Variants in LRP1B observed in about 807,000 individuals in gnomAD.
LRP1B encodes the protein low-density lipoprotein receptor-related protein 1B.
Under a neutral mutation model 556.6 loss-of-function variants are expected in LRP1B, and 217 were observed. The ratio of observed to expected loss-of-function variants is 0.39; its 90% CI spans 0.35 to 0.44. The LOEUF is 0.44. Ranked by LOEUF, LRP1B falls within the 20% of genes least tolerant of loss-of-function variation. The pLI is 1.00. For missense variants in LRP1B, 5,053 were observed against 5,620.8 expected, an observed-to-expected ratio of 0.90 and a Z score of 3.23; for synonymous variants, 2,047 against 1,865.8, an observed-to-expected ratio of 1.10 and a Z score of -2.50.
intron 2 of LRP1B, among the ~76,000 whole-genome samples, chr2:141,564,974 T>C (rs190662693): frequency 2.0e-5 from 3 of 152,208 alleles, no homozygotes; most frequent in Admixed American, 2.0e-4. Flanking sequence ...TAAGACATTT[T>C]AAATGAAGAA....
chr2:140,450,731 T>A, intron 62 of LRP1B, 70 bp from the exon 63 acceptor site: 1 of 1,072,672 alleles, frequency 9.3e-7, no homozygotes, highest in Non-Finnish European at 1.4e-6. Context: ...ATTTAAAATT[T>A]GGCAACACAG....
At chr2:142,044,030 A>T (rs1347335153) in intron 1 of LRP1B, among the ~76,000 whole-genome samples, 2 of 151,760 alleles carry the variant, frequency 1.3e-5, no homozygotes, top group African/African-American at 4.8e-5. Flanking sequence ...TTAATCTTCA[A>T]TAACATATAT....
chr2:141,277,652 G>C (rs1350907492), intron 3 of LRP1B, among the ~76,000 whole-genome samples: 1 of 147,612 alleles, frequency 6.8e-6, no homozygotes, highest in East Asian at 2.0e-4. Flanking sequence ...TTTTGTTGTT[G>C]TTGTTTTTCA....
At chr2:141,344,385 C>T (rs1688173102) in intron 3 of LRP1B, among the ~76,000 whole-genome samples, 1 of 119,862 alleles carries the variant, frequency 8.3e-6, no homozygotes, top group Admixed American at 7.8e-5. Context: ...CACAATGTCC[C>T]CCTTGCCTTT....
In LRP1B at chr2:141,913,386, C is replaced by A. The variant is rs148994756; in HGVS notation, c.83-102985G>T. Reference sequence around the variant, plus strand: ...TAACATAAATGAATGTATGTATTTTCTTTTCTTACTCTAAAAATCTATAGG... The same window carrying A: ...TAACATAAATGAATGTATGTATTTTATTTTCTTACTCTAAAAATCTATAGG... On this transcript the variant is annotated intron_variant, in intron 1 of 90. Coordinates refer to ENST00000389484, the MANE Select transcript of LRP1B (RefSeq NM_018557.3). Among the ~76,000 whole-genome samples the A allele has an allele frequency of 5.5e-4, 83 of 152,242 alleles. No homozygotes were observed. In the East Asian group the frequency reaches 0.015, roughly 28 times the overall value.
intron 41 of LRP1B, among the ~76,000 whole-genome samples, chr2:140,612,482 T>A (rs1263183049): frequency 1.3e-5 from 2 of 152,158 alleles, no homozygotes; most frequent in Admixed American, 1.3e-4. Flanking sequence ...TCAGAACTTG[T>A]ACTTATTTAT....
At chr2:141,746,605 A>G (rs1200549782) in intron 2 of LRP1B, among the ~76,000 whole-genome samples, 1 of 152,120 alleles carries the variant, frequency 6.6e-6, no homozygotes, top group Non-Finnish European at 1.5e-5. Flanking sequence ...AGTTAAAACC[A>G]GGTACTGTGA....
At chr2:141,570,774 C>T (rs1686497584) in intron 2 of LRP1B, among the ~76,000 whole-genome samples, 1 of 151,544 alleles carries the variant, frequency 6.6e-6, no homozygotes, top group African/African-American at 2.4e-5. Flanking sequence ...CCCAACACAC[C>T]AGCTGTGGTA....
Position 141,064,233 on chromosome 2 carries a change from A to G in LRP1B, c.1014-1960T>C, listed in dbSNP as rs148356581. On this transcript the variant is annotated intron_variant, in intron 7 of 90. Coordinates refer to ENST00000389484, the MANE Select transcript of LRP1B (RefSeq NM_018557.3). ...TGGGTCAATCACTTTACAAAGCAAA[A>G]AAAAGAAGGATATAGATTAAGAAAA... Among the ~76,000 whole-genome samples the G allele has an allele frequency of 3.4e-3, 520 of 152,012 alleles. 2 individuals carry two copies. The highest frequency in any genetic ancestry group is 0.012 in the African/African-American group (498 of 41,532).
At chr2:141,182,348 G>A (rs1474258860) in intron 7 of LRP1B, among the ~76,000 whole-genome samples, 1 of 151,918 alleles carries the variant, frequency 6.6e-6, no homozygotes, top group Non-Finnish European at 1.5e-5. Context: ...TAAGCCTAGC[G>A]ATGTTGTCAT....
chr2:140,436,603 A>ATTATACTG (rs1686193817), intron 66 of LRP1B, among the ~76,000 whole-genome samples: 1 of 72,156 alleles, frequency 1.4e-5, no homozygotes, highest in African/African-American at 5.4e-5. Flanking sequence ...TATACTGCTC[A>ATTATACTG]CTGTCTTTTT....
At chr2:141,766,949 A>T (rs527854152) in intron 2 of LRP1B, among the ~76,000 whole-genome samples, 15 of 152,300 alleles carry the variant, frequency 9.8e-5, no homozygotes, top group African/African-American at 3.6e-4. Flanking sequence ...CCTCTAATAC[A>T]GTTTGATTAA....
intron 21 of LRP1B, among the ~76,000 whole-genome samples, chr2:140,910,175 ATAG>A (rs896788415): frequency 2.0e-5 from 3 of 151,574 alleles, no homozygotes; most frequent in East Asian, 1.9e-4. Context: ...ATTTAATGTA[ATAG>A]TAGTTAAAAT....
rs527668364 is a variant in LRP1B at position 140,975,561 on chromosome 2, A to T, written c.2887+6599T>A. Among the ~76,000 whole-genome samples, 192 of 152,314 alleles carry T rather than the reference A, an allele frequency of 1.3e-3. 1 individual carries two copies. The highest frequency in any genetic ancestry group is 4.2e-3 in the African/African-American group (175 of 41,572). On this transcript the variant is annotated intron_variant, in intron 18 of 90. Coordinates refer to ENST00000389484, the MANE Select transcript of LRP1B (RefSeq NM_018557.3). ...AGCAATGAGGGAGGAGAAAGCTTTG[A>T]CTAAGATATAATATTGGTGTTTCAA...
intron 2 of LRP1B, among the ~76,000 whole-genome samples, chr2:141,553,419 A>G (rs1685826293): frequency 1.3e-5 from 2 of 151,346 alleles, no homozygotes; most frequent in Non-Finnish European, 3.0e-5. Flanking sequence ...ATCTTCATGA[A>G]CTCTCTTTTA....
chr2:140,595,837 T>A (rs1224424397), intron 43 of LRP1B, among the ~76,000 whole-genome samples: 2 of 152,186 alleles, frequency 1.3e-5, no homozygotes, highest in Non-Finnish European at 2.9e-5. Flanking sequence ...ATACCAAATG[T>A]GAGGATTAAA....
chr2:140,373,087 A>T lies in LRP1B; in HGVS notation c.10689T>A (p.Gly3563=). 1.9e-6 allele frequency: 3 copies of T among 1,613,298 alleles called. No homozygotes were observed. Among genetic ancestry groups the T allele is most frequent in the South Asian group, 1.1e-5 (1 of 91,074 alleles). ...CSKDQFRCSN[G]QCIPAKWKCD... is the part of the protein sequence containing the mutation. ...ATTTCCATTTTGCTGGTATACACTG[A>T]CCATTGGAACACCGGAACTGATCTT... The change falls in exon 69 of 91, where the codon GGT becomes GGA. Residue 3563 remains glycine, a synonymous_variant. Coordinates refer to ENST00000389484, the MANE Select transcript of LRP1B (RefSeq NM_018557.3).
At chr2:141,127,439 C>G (rs1021495742) in intron 7 of LRP1B, among the ~76,000 whole-genome samples, 1 of 152,050 alleles carries the variant, frequency 6.6e-6, no homozygotes, top group African/African-American at 2.4e-5. Context: ...CAGATGCACA[C>G]GTATGTTTAT....
At chr2:142,094,172 C>T (rs1273138509) in intron 1 of LRP1B, among the ~76,000 whole-genome samples, 2 of 152,058 alleles carry the variant, frequency 1.3e-5, no homozygotes, top group African/African-American at 4.8e-5. Flanking sequence ...CAAAGGCCCA[C>T]CTTTTAACAC....
Sources: gnomAD v4.1 joint callset for allele counts (sites outside exome capture counted in the v4.1 genomes callset) on GRCh38, gnomAD v4.1.1 for gene constraint, MANE v1.5 for transcripts, NCBI Gene and HGNC (gene_info 2026-07-23, HGNC 2026-07-21) for gene names.